TEAD1: variants seen among roughly 807,000 people sequenced by gnomAD.
The protein encoded by TEAD1 is TEA domain transcription factor 1.
Under a neutral mutation model 54.9 loss-of-function variants are expected in TEAD1, and 9 were observed. That is an observed-to-expected ratio of 0.16 (90% CI 0.10 to 0.29). The LOEUF (loss-of-function observed/expected upper bound fraction) is 0.29. Among genes scored for constraint, TEAD1 ranks in the 10% least tolerant of loss-of-function variants. TEAD1 has a pLI of 1.00. For synonymous variants in TEAD1, 200 were observed against 187.8 expected, an observed-to-expected ratio of 1.07 and a Z score of -0.53; for missense variants, 387 against 535.9, an observed-to-expected ratio of 0.72 and a Z score of 2.74.
intron 3 of TEAD1, among the ~76,000 whole-genome samples, chr11:12,783,487 C>T (rs1945608480): frequency 6.6e-6 from 1 of 152,136 alleles, no homozygotes; most frequent in Non-Finnish European, 1.5e-5. Flanking sequence ...TATTTGTGAA[C>T]ACCTCTCACA....
intron 10 of TEAD1, among the ~76,000 whole-genome samples, chr11:12,904,113 A>T (rs1454005692): frequency 1.3e-5 from 2 of 152,216 alleles, no homozygotes; most frequent in African/African-American, 4.8e-5. Context: ...CATTCTGCTT[A>T]TATTCACACT....
intron 2 of TEAD1, among the ~76,000 whole-genome samples, chr11:12,699,779 T>A (rs1943659099): frequency 6.6e-6 from 1 of 152,220 alleles, no homozygotes. Context: ...AACCAGAGAC[T>A]CTAGCATTGC....
intron 3 of TEAD1, among the ~76,000 whole-genome samples, chr11:12,844,202 T>C (rs1462914192): frequency 6.6e-6 from 1 of 152,226 alleles, no homozygotes; most frequent in Non-Finnish European, 1.5e-5. Context: ...ATAATTTAGT[T>C]ACAAGGTCTT....
chr11:12,687,658 A>G (rs1351757806), intron 2 of TEAD1, among the ~76,000 whole-genome samples: 1 of 152,204 alleles, frequency 6.6e-6, no homozygotes, highest in Non-Finnish European at 1.5e-5. Context: ...CAGAAAAATG[A>G]GGACACAATA....
chr11:12,825,646 T>C (rs1317238752), intron 3 of TEAD1, among the ~76,000 whole-genome samples: 1 of 152,184 alleles, frequency 6.6e-6, no homozygotes, highest in East Asian at 1.9e-4. Context: ...TAAAAAAAAT[T>C]GTCAAGCTGT....
intron 2 of TEAD1, among the ~76,000 whole-genome samples, chr11:12,745,800 A>G (rs1944735816): frequency 6.6e-6 from 1 of 151,412 alleles, no homozygotes; most frequent in South Asian, 2.1e-4. Context: ...TTGTCCATCT[A>G]CCTTTCACCA....
At chr11:12,916,010 A>AT (rs1223762308) in intron 10 of TEAD1, among the ~76,000 whole-genome samples, 2 of 152,048 alleles carry the variant, frequency 1.3e-5, no homozygotes, top group African/African-American at 2.4e-5. Flanking sequence ...GATGGGGTGT[A>AT]TTTTTGTTTT....
At chr11:12,786,543 A>G (rs112791228) in intron 3 of TEAD1, among the ~76,000 whole-genome samples, 293 of 152,350 alleles carry the variant, frequency 1.9e-3, no homozygotes, top group African/African-American at 6.3e-3. Flanking sequence ...AGTATATCCC[A>G]TGCCGTGGTT....
At chr11:12,875,651 G>A (rs1007113901) in intron 5 of TEAD1, among the ~76,000 whole-genome samples, 9 of 152,158 alleles carry the variant, frequency 5.9e-5, no homozygotes, top group Non-Finnish European at 2.9e-5. Flanking sequence ...GGAAATCACT[G>A]GTATAGACAT....
At chr11:12,833,022 CT>C (rs1001707823) in intron 3 of TEAD1, among the ~76,000 whole-genome samples, 1 of 152,206 alleles carries the variant, frequency 6.6e-6, no homozygotes, top group Non-Finnish European at 1.5e-5. Context: ...TACTGCTCTC[CT>C]TCAAGACATA....
At chr11:12,934,583 AAG>A (rs1949067851) in intron 12 of TEAD1, among the ~76,000 whole-genome samples, 2 of 152,014 alleles carry the variant, frequency 1.3e-5, no homozygotes, top group Admixed American at 6.5e-5. Context: ...AAAAAAAAAA[AAG>A]AATGGATAGA....
intron 2 of TEAD1, among the ~76,000 whole-genome samples, chr11:12,679,165 C>A (rs73421934): frequency 6.6e-6 from 1 of 152,024 alleles, no homozygotes; most frequent in African/African-American, 2.4e-5. Context: ...GGAAGGTCCT[C>A]GTAAAAACCT....
At chr11:12,830,976 G>A (rs962071653) in intron 3 of TEAD1, among the ~76,000 whole-genome samples, 4 of 152,032 alleles carry the variant, frequency 2.6e-5, no homozygotes, top group African/African-American at 7.2e-5. Flanking sequence ...TTCATCTGCC[G>A]CAGGACCTCA....
At chr11:12,769,672 C>T (rs1296564276) in intron 3 of TEAD1, among the ~76,000 whole-genome samples, 2 of 152,092 alleles carry the variant, frequency 1.3e-5, no homozygotes, top group African/African-American at 2.4e-5. Flanking sequence ...GTGTTCTTCT[C>T]GGAGCTCCAT....
At chr11:12,775,399 C>T (rs1373612618) in intron 3 of TEAD1, among the ~76,000 whole-genome samples, 5 of 152,192 alleles carry the variant, frequency 3.3e-5, no homozygotes, top group Admixed American at 6.5e-5. Context: ...CTGGATTCAA[C>T]GATGTTTCTC....
chr11:12,729,832 C>T (rs1944384315), intron 2 of TEAD1, among the ~76,000 whole-genome samples: 1 of 152,198 alleles, frequency 6.6e-6, no homozygotes. Context: ...CCCTAATTCT[C>T]AAGGCATGTT....
At chr11:12,725,998 G>A (rs927756241) in intron 2 of TEAD1, among the ~76,000 whole-genome samples, 2 of 152,170 alleles carry the variant, frequency 1.3e-5, no homozygotes, top group Non-Finnish European at 2.9e-5. Flanking sequence ...ATCCTTCCAC[G>A]CGTCCAACAA....
chr11:12,779,551 A>C (rs1361216732), intron 3 of TEAD1, among the ~76,000 whole-genome samples: 2 of 152,242 alleles, frequency 1.3e-5, no homozygotes, highest in African/African-American at 4.8e-5. Context: ...AGATTAAATT[A>C]GATAATACAT....
intron 2 of TEAD1, among the ~76,000 whole-genome samples, chr11:12,735,474 A>G (rs930895125): frequency 3.3e-5 from 5 of 152,130 alleles, no homozygotes; most frequent in African/African-American, 1.2e-4. Context: ...TGTGTATTCC[A>G]ACCAGACCTC....
Sources: allele counts gnomAD v4.1 joint callset (sites outside exome capture counted in the v4.1 genomes callset), GRCh38; gene constraint gnomAD v4.1.1; transcripts MANE v1.5; gene names NCBI Gene and HGNC (gene_info 2026-07-23, HGNC 2026-07-21).